CEP350: variants seen among roughly 807,000 people sequenced by gnomAD.
CEP350 encodes the protein centrosome-associated protein 350.
CEP350 carries 126 observed loss-of-function variants against 331.8 expected under a neutral mutation model. The observed-to-expected ratio is 0.38, with a 90% CI of 0.33 to 0.44. The LOEUF is 0.44. Among genes scored for constraint, CEP350 ranks in the 20% least tolerant of loss-of-function variants. CEP350 has a pLI of 1.00. For missense variants in CEP350, 3,406 were observed against 3,634.6 expected, an observed-to-expected ratio of 0.94 and a Z score of 1.62; for synonymous variants, 1,200 against 1,259.5, an observed-to-expected ratio of 0.95 and a Z score of 1.00.
intron 1 of CEP350, among the ~76,000 whole-genome samples, chr1:179,955,952 T>C (rs948204836): frequency 6.6e-6 from 1 of 152,232 alleles, no homozygotes; most frequent in Non-Finnish European, 1.5e-5. Flanking sequence ...ATGTTAACGA[T>C]ACCTCCTGCC....
intron 29 of CEP350, among the ~76,000 whole-genome samples, chr1:180,079,146 T>A (rs1659410026): frequency 6.6e-6 from 1 of 151,802 alleles, no homozygotes; most frequent in African/African-American, 2.4e-5. Flanking sequence ...TAAACTAAGA[T>A]TTTCTACATT....
At chr1:180,017,862 G>A (rs1655071367) in intron 11 of CEP350, among the ~76,000 whole-genome samples, 1 of 152,078 alleles carries the variant, frequency 6.6e-6, no homozygotes, top group South Asian at 2.1e-4. Context: ...CACTTTCCTT[G>A]GCTAGCAGAG....
intron 1 of CEP350, among the ~76,000 whole-genome samples, chr1:179,960,321 A>C (rs540372412): frequency 2.2e-4 from 33 of 152,194 alleles, no homozygotes; most frequent in Non-Finnish European, 4.4e-4. Context: ...TGGGGAGAAC[A>C]TGCAGGCTCC....
chr1:180,047,126 C>A (rs960460496), intron 21 of CEP350, among the ~76,000 whole-genome samples: 3 of 152,164 alleles, frequency 2.0e-5, no homozygotes, highest in Non-Finnish European at 4.4e-5. Context: ...AGAAATAACA[C>A]TTGAACTGAT....
chr1:180,025,663 C>T (rs1655622285), intron 14 of CEP350, among the ~76,000 whole-genome samples: 1 of 152,136 alleles, frequency 6.6e-6, no homozygotes, highest in South Asian at 2.1e-4. Context: ...AAACCAAACA[C>T]CGCGTGTTCT....
chr1:179,968,201 T>A (rs1207786723), intron 1 of CEP350, among the ~76,000 whole-genome samples: 2 of 151,950 alleles, frequency 1.3e-5, no homozygotes, highest in Non-Finnish European at 2.9e-5. Context: ...CATGATGGTA[T>A]GTGCCTGTAA....
Position 180,043,107 on chromosome 1 carries a change from G to A in CEP350, c.4414G>A (p.Ala1472Thr). 1 of 1,613,754 alleles carries A rather than the reference G, an allele frequency of 6.2e-7. No individual in the cohort carries two copies. The highest frequency in any genetic ancestry group is 1.1e-5 in the South Asian group (1 of 91,046). ...HISDAVVASG[A>T]PLAILYDHQR... ...CTCAGATGCTGTCGTGGCTTCAGGA[G>A]CTCCCCTTGCAATACTGTATGACCA... The change falls in exon 20 of 38, where the codon GCT becomes ACT. Residue 1472 changes from alanine to threonine, a missense_variant. Ala to Thr is a moderately conservative substitution (Grantham distance 58). Transcript: ENST00000367607.
intron 37 of CEP350, among the ~76,000 whole-genome samples, chr1:180,101,009 G>C (rs1420110428): frequency 6.6e-6 from 1 of 152,204 alleles, no homozygotes; most frequent in Non-Finnish European, 1.5e-5. Flanking sequence ...GAGGCTTCCA[G>C]TAGGTGCCAA....
chr1:179,994,996 C>A (rs1653366544), intron 5 of CEP350, among the ~76,000 whole-genome samples: 1 of 152,096 alleles, frequency 6.6e-6, no homozygotes, highest in Admixed American at 6.5e-5. Flanking sequence ...TACAATAGAA[C>A]CATTAATGTG....
At chr1:180,081,293 A>C (rs1305415090) in intron 30 of CEP350, among the ~76,000 whole-genome samples, 1 of 152,022 alleles carries the variant, frequency 6.6e-6, no homozygotes, top group East Asian at 1.9e-4. Flanking sequence ...TTTGTTTTCC[A>C]TGTGTCAGAC....
intron 16 of CEP350, among the ~76,000 whole-genome samples, chr1:180,035,035 T>C (rs1304694120): frequency 1.3e-5 from 2 of 152,182 alleles, no homozygotes; most frequent in Non-Finnish European, 2.9e-5. Context: ...ATGAAAGGTA[T>C]CACATGAATG....
At chr1:180,101,287 T>A (rs1572003311) in intron 37 of CEP350, among the ~76,000 whole-genome samples, 1 of 138,010 alleles carries the variant, frequency 7.2e-6, no homozygotes, top group Admixed American at 7.1e-5. Flanking sequence ...TTCTTCTTAA[T>A]TTTTTTTTTT....
At chr1:180,075,606 G>A (rs554888967) in intron 28 of CEP350, among the ~76,000 whole-genome samples, 1 of 151,668 alleles carries the variant, frequency 6.6e-6, no homozygotes, top group Non-Finnish European at 1.5e-5. Flanking sequence ...AATGATTGAG[G>A]TGATGCAAAT....
In CEP350 at chr1:180,093,008, A is replaced by C. The variant is rs1184008015; in HGVS notation, c.6903A>C (p.Lys2301Asn). The C allele has an allele frequency of 5.6e-6, 9 of 1,604,912 alleles. No individual in the cohort carries two copies. Among genetic ancestry groups the C allele is most frequent in the Non-Finnish European group, 6.0e-6 (7 of 1,174,954 alleles). The change falls in exon 34 of 38, where the codon AAA becomes AAC. Residue 2301 changes from lysine to asparagine, a missense_variant. Physicochemically the swap from Lys to Asn is moderately conservative, Grantham distance 94. Coordinates refer to ENST00000367607, the MANE Select transcript of CEP350 (RefSeq NM_014810.5). ...QGDSSEILSK[K>N]DLPLDSENVQ... ...ATTCATCTGAAATTCTTTCAAAGAA[A>C]GATCTTCCTTTAGATTCTGAAAATG...
chr1:179,981,029 A>G (rs1238185892), intron 1 of CEP350, among the ~76,000 whole-genome samples: 1 of 152,208 alleles, frequency 6.6e-6, no homozygotes, highest in Non-Finnish European at 1.5e-5. Context: ...GCAAAGTAGA[A>G]TTAAATACTA....
At chr1:180,011,064 C>G (rs536322744) in intron 8 of CEP350, among the ~76,000 whole-genome samples, 37 of 151,828 alleles carry the variant, frequency 2.4e-4, no homozygotes, top group African/African-American at 8.7e-4. Context: ...CATTCTGAAG[C>G]TAGTGGATGA....
chr1:179,987,297 T>G lies in CEP350; in HGVS notation c.120+11T>G, dbSNP rs746427827. On this transcript the variant is annotated intron_variant, in intron 3 of 37. Transcript: ENST00000367607. Reference sequence around the variant, plus strand: ...CAAACCAAGGCTGCTGTAAGTAGTTTTAGCTTCCATTTATTTATTTCTGGA... The same window carrying G: ...CAAACCAAGGCTGCTGTAAGTAGTTGTAGCTTCCATTTATTTATTTCTGGA... 6 of 1,475,062 alleles carry G rather than the reference T, an allele frequency of 4.1e-6. 1 individual carries two copies. In the East Asian group the frequency reaches 6.9e-5, roughly 17 times the overall value. 91.4% of individuals were successfully genotyped at this position (1,475,062 alleles called of 1,614,324 possible). A position where few individuals can be genotyped will look rare whatever the true frequency, so the allele number is the denominator to read the frequency against.
At chr1:180,075,997 C>G (rs559424355) in intron 28 of CEP350, among the ~76,000 whole-genome samples, 6 of 151,870 alleles carry the variant, frequency 4.0e-5, no homozygotes, top group Non-Finnish European at 8.8e-5. Context: ...CCAATACAAA[C>G]TTGAAAACTT....
At chr1:179,962,251 T>C (rs1650686658) in intron 1 of CEP350, among the ~76,000 whole-genome samples, 1 of 152,204 alleles carries the variant, frequency 6.6e-6, no homozygotes, top group Admixed American at 6.5e-5. Flanking sequence ...GATATTTGAT[T>C]TTCTGTTTCT....
Sources: gnomAD v4.1 joint callset for allele counts (sites outside exome capture counted in the v4.1 genomes callset) on GRCh38, gnomAD v4.1.1 for gene constraint, MANE v1.5 for transcripts, NCBI Gene and HGNC (gene_info 2026-07-23, HGNC 2026-07-21) for gene names.